Variants in TMEM231 observed in about 807,000 individuals in gnomAD.
TMEM231 encodes transmembrane protein 231.
Under a neutral mutation model 38.5 loss-of-function variants are expected in TMEM231, and 40 were observed. That is an observed-to-expected ratio of 1.04 (90% CI 0.81 to 1.35). The LOEUF (loss-of-function observed/expected upper bound fraction) is 1.35. TMEM231 is among the 40% of genes most tolerant of loss of function. The pLI, the probability that TMEM231 is intolerant of heterozygous loss-of-function variation, is 0.00. For missense variants in TMEM231, 420 were observed against 416.9 expected (o/e 1.01, Z -0.07); for synonymous variants, 199 against 181.7 (o/e 1.10, Z -0.77).
intron 4 of TMEM231, among the ~76,000 whole-genome samples, chr16:75,543,625 C>A (rs185784398): frequency 1.3e-5 from 2 of 151,986 alleles, no homozygotes; most frequent in Non-Finnish European, 2.9e-5. Flanking sequence ...AAAAAAGAAA[C>A]CATACTTCCA....
intron 6 of TMEM231, 113 bp from the exon 7 acceptor site, chr16:75,540,287 T>A: frequency 9.6e-7 from 1 of 1,044,046 alleles, no homozygotes. Flanking sequence ...CTCTGTCATG[T>A]ACACACCCAG....
At chr16:75,548,861 C>CT (rs1256340197) in intron 2 of TMEM231, among the ~76,000 whole-genome samples, 4 of 152,144 alleles carry the variant, frequency 2.6e-5, no homozygotes, top group African/African-American at 9.7e-5. Context: ...GAGCAAGACT[C>CT]TATCTCAAAC....
chr16:75,546,432 C>T (rs2080692376), intron 2 of TMEM231, among the ~76,000 whole-genome samples: 1 of 151,676 alleles, frequency 6.6e-6, no homozygotes, highest in Non-Finnish European at 1.5e-5. Flanking sequence ...CAGAAAATCA[C>T]CAAGCTCTAT....
At chr16:75,549,078 G>A (rs896234066) in intron 2 of TMEM231, among the ~76,000 whole-genome samples, 1 of 152,114 alleles carries the variant, frequency 6.6e-6, no homozygotes, top group African/African-American at 2.4e-5. Flanking sequence ...GCAGGGTGGA[G>A]AGAGGGGGGA....
chr16:75,544,289 G>A (rs1410751274), intron 4 of TMEM231, among the ~76,000 whole-genome samples: 4 of 152,208 alleles, frequency 2.6e-5, no homozygotes, highest in Non-Finnish European at 5.9e-5. Flanking sequence ...GCTGAGGAAT[G>A]GTGGAAGGAG....
chr16:75,549,997 C>A (rs1024968119), intron 2 of TMEM231, among the ~76,000 whole-genome samples: 3 of 152,244 alleles, frequency 2.0e-5, no homozygotes, highest in African/African-American at 7.2e-5. Context: ...GCATGAGCCA[C>A]CGCACCTGGC....
intron 4 of TMEM231, among the ~76,000 whole-genome samples, chr16:75,543,764 A>C (rs892922925): frequency 6.6e-6 from 1 of 152,236 alleles, no homozygotes; most frequent in Non-Finnish European, 1.5e-5. Context: ...GCTTGCTGTT[A>C]ATGTAATCTG....
At chr16:75,546,191 T>C (rs2080688985) in intron 2 of TMEM231, 2 of 1,258,086 alleles carry the variant, frequency 1.6e-6, no homozygotes, top group East Asian at 3.1e-5. Context: ...CCAAAATAAA[T>C]GGGCAATAAC....
In TMEM231 at chr16:75,545,870, CG is replaced by C. The variant is rs1567436777; in HGVS notation, c.393del (p.His131GlnfsTer9). On this transcript the variant is annotated frameshift_variant, in exon 3 of 7. Coordinates refer to ENST00000258173, the MANE Select transcript of TMEM231 (RefSeq NM_001077418.3). LOFTEE classifies it high-confidence loss of function. Reference sequence around the variant, plus strand: ...GTCAGGATGAGCTGCACACCGAGAACGTGCTCCGTGGACTGCAGGGGAAGCT... The same window carrying C: ...GTCAGGATGAGCTGCACACCGAGAACTGCTCCGTGGACTGCAGGGGAAGCT... ...KLELPLQSTE[H>X]VLGVQLILTF... 2.1e-6 allele frequency: 3 copies of C among 1,444,822 alleles called. No homozygotes were observed. Among genetic ancestry groups the C allele is most frequent in the Non-Finnish European group, 2.8e-6 (3 of 1,079,352 alleles). 89.5% of individuals were successfully genotyped at this position (1,444,822 alleles called of 1,614,324 possible).
In TMEM231 at chr16:75,543,059, C is replaced by T. The variant is rs1471016801; in HGVS notation, c.583-376G>A. On this transcript the variant is annotated intron_variant, in intron 4 of 6. Coordinates refer to ENST00000258173, the MANE Select transcript of TMEM231 (RefSeq NM_001077418.3). ...TTTAAAATACCCCTCTTTATCTCAG[C>T]GGGAGAAAGAATTCCTTAAATTATT... Among the ~76,000 whole-genome samples, 17 of 152,182 alleles carry T rather than the reference C, an allele frequency of 1.1e-4. 1 individual carries two copies. The East Asian group carries it at 1.5e-3, about 14-fold the overall frequency.
intron 6 of TMEM231, among the ~76,000 whole-genome samples, chr16:75,540,650 A>G (rs2080613675): frequency 6.6e-6 from 1 of 152,208 alleles, no homozygotes; most frequent in South Asian, 2.1e-4. Context: ...ATTTTCCATT[A>G]GTCGACCTAA....
intron 2 of TMEM231, among the ~76,000 whole-genome samples, chr16:75,550,754 T>C: frequency 6.6e-6 from 1 of 151,650 alleles, no homozygotes; most frequent in Non-Finnish European, 1.5e-5. Context: ...CTGGCTCTGT[T>C]GCCCAGGTTG....
chr16:75,537,329 A>C lies in TMEM231; in HGVS notation c.*2665T>G, dbSNP rs937820895. On this transcript the variant is annotated 3_prime_UTR_variant, in exon 7 of 7. Transcript: ENST00000258173. ...AAGAAATAATTGCTTTATTAGCCTT[A>C]CATGATGGAATATTAGGGGGGCCTC... is the stretch of plus-strand genomic sequence containing the variant. 6 of 151,942 alleles carry C rather than the reference A, an allele frequency of 3.9e-5. No homozygotes were observed. Among genetic ancestry groups the C allele is most frequent in the Non-Finnish European group, 8.8e-5 (6 of 67,982 alleles). The allele number at this position is 151,942 out of a possible 1,614,324, so 9.4% of individuals were successfully genotyped here.
chr16:75,540,686 C>T (rs1458260735), intron 6 of TMEM231, among the ~76,000 whole-genome samples: 2 of 152,196 alleles, frequency 1.3e-5, no homozygotes, highest in Non-Finnish European at 2.9e-5. Context: ...AAGTTTAGGT[C>T]AGACAGGGAC....
At chr16:75,549,030 T>C (rs2080725527) in intron 2 of TMEM231, among the ~76,000 whole-genome samples, 1 of 152,042 alleles carries the variant, frequency 6.6e-6, no homozygotes, top group Non-Finnish European at 1.5e-5. Flanking sequence ...TGGGTACCCG[T>C]GGGATCAATG....
At position 75,555,865 on chromosome 16, in the gene TMEM231, C is replaced by T. The variant is rs2080804101; in HGVS notation, c.248G>A (p.Trp83Ter). 6.3e-7 allele frequency: 1 copy of T among 1,588,858 alleles called. No homozygotes were observed. Among genetic ancestry groups the T allele is most frequent in the Non-Finnish European group, 8.6e-7 (1 of 1,168,040 alleles). Residue 83 changes from tryptophan (W) to a stop codon, truncating the protein, a stop_gained, in exon 2 of 7, where the codon TGG becomes TAG. Transcript: ENST00000258173. LOFTEE classifies it high-confidence loss of function. Reference sequence around the variant, plus strand: ...CCGGTTGAAGGCGGGGAACGTGCTCCAGGCGAGGAACCCGTCGCTTTCGGG... The same window carrying T: ...CCGGTTGAAGGCGGGGAACGTGCTCTAGGCGAGGAACCCGTCGCTTTCGGG... The part of the protein sequence containing the change: ...LGPESDGFLA[W>*]STFPAFNRLQ...
At chr16:75,543,220 T>G (rs1385080875) in intron 4 of TMEM231, among the ~76,000 whole-genome samples, 1 of 150,736 alleles carries the variant, frequency 6.6e-6, no homozygotes, top group Non-Finnish European at 1.5e-5. Flanking sequence ...CTCACTACAC[T>G]CCAGTTTAGG....
chr16:75,541,230 G>T, intron 6 of TMEM231, 120 bp downstream of exon 6: 1 of 504,026 alleles, frequency 2.0e-6, no homozygotes, highest in Non-Finnish European at 3.3e-6. Context: ...ATCTTGGCCA[G>T]GCTGGTTGTG....
intron 2 of TMEM231, 113 bp downstream of exon 2, chr16:75,555,691 A>C: frequency 8.6e-7 from 1 of 1,158,204 alleles, no homozygotes. Context: ...GCGAGTCCTT[A>C]GGATCAAAGC....
Sources: gnomAD v4.1 joint callset for allele counts (sites outside exome capture counted in the v4.1 genomes callset) on GRCh38, gnomAD v4.1.1 for gene constraint, MANE v1.5 for transcripts, NCBI Gene and HGNC (gene_info 2026-07-23, HGNC 2026-07-21) for gene names.